The following PRR16 variants were observed in gnomAD, a reference collection of about 807,000 sequenced individuals.
The protein encoded by PRR16 is protein Largen.
A neutral mutation model predicts 18.2 loss-of-function variants in PRR16; 6 were observed. The ratio of observed to expected loss-of-function variants is 0.33; its 90% confidence interval spans 0.18 to 0.65. The LOEUF (loss-of-function observed/expected upper bound fraction) is 0.65. Ranked by LOEUF, PRR16 falls within the 30% of genes least tolerant of loss-of-function variation. The probability of loss-of-function intolerance (pLI) is 0.74; values close to 1 mark genes in which losing one functional copy is unlikely to be tolerated. For synonymous variants in PRR16, 151 were observed against 147.8 expected (o/e 1.02, Z -0.16); for missense variants, 412 against 376.6 (o/e 1.09, Z -0.78).
chr5:120,526,750 T>G (rs558519088), intron 1 of PRR16, among the ~76,000 whole-genome samples: 1 of 152,238 alleles, frequency 6.6e-6, no homozygotes, highest in South Asian at 2.1e-4. Flanking sequence ...TATACAGTAA[T>G]TATTTGCTGT....
At chr5:120,651,158 C>T (rs1341551934) in intron 1 of PRR16, among the ~76,000 whole-genome samples, 1 of 152,068 alleles carries the variant, frequency 6.6e-6, no homozygotes. Context: ...ATCCTTCGCC[C>T]ACTTTTTGAT....
chr5:120,590,174 TA>T (rs200996877), intron 1 of PRR16, among the ~76,000 whole-genome samples: 9,026 of 152,196 alleles, frequency 0.059, 369 homozygotes, highest in South Asian at 0.084. Flanking sequence ...TGTATTACCT[TA>T]ACAAGTCCTG....
chr5:120,504,781 T>C lies in PRR16; in HGVS notation c.159+40136T>C, dbSNP rs148654078. On this transcript the variant is annotated intron_variant, in intron 1 of 1. Transcript: ENST00000407149. ...AAAGGTATGACAAAAACTGAGGAAT[T>C]TTCATATTGCTTCTTAGGTATATTG... is the stretch of plus-strand genomic sequence containing the variant. Among the ~76,000 whole-genome samples the C allele has an allele frequency of 3.2e-3, 485 of 152,242 alleles. 4 individuals carry two copies. The highest frequency in any genetic ancestry group is 0.011 in the African/African-American group (463 of 41,540).
the PRR16 span, among the ~76,000 whole-genome samples, chr5:120,765,763 C>G: frequency 1.2e-4 from 18 of 151,718 alleles, no homozygotes; most frequent in African/African-American, 4.1e-4. Context: ...CCCCCATATG[C>G]CTTTTAGTCA....
the PRR16 span, among the ~76,000 whole-genome samples, chr5:120,792,892 C>T: frequency 6.6e-6 from 1 of 152,194 alleles, no homozygotes; most frequent in Admixed American, 6.5e-5. Flanking sequence ...TGGCTCACGC[C>T]TGTTAATCCA....
the PRR16 span, among the ~76,000 whole-genome samples, chr5:120,783,643 G>C: frequency 6.6e-6 from 1 of 152,200 alleles, no homozygotes; most frequent in African/African-American, 2.4e-5. Flanking sequence ...TTTGATAGAA[G>C]TGTACAATGT....
chr5:120,570,306 C>T (rs908191467), intron 1 of PRR16, among the ~76,000 whole-genome samples: 4 of 151,970 alleles, frequency 2.6e-5, no homozygotes, highest in Non-Finnish European at 5.9e-5. Flanking sequence ...TGGCACCATC[C>T]TAAATGGCTG....
intron 1 of PRR16, among the ~76,000 whole-genome samples, chr5:120,547,328 C>T (rs192614023): frequency 1.3e-3 from 198 of 152,108 alleles, no homozygotes; most frequent in African/African-American, 4.4e-3. Context: ...GTCTTAAATC[C>T]TTTATTCCTG....
At chr5:120,518,163 C>G (rs6861448) in intron 1 of PRR16, among the ~76,000 whole-genome samples, 1 of 152,050 alleles carries the variant, frequency 6.6e-6, no homozygotes, top group Admixed American at 6.6e-5. Flanking sequence ...TAATACATAT[C>G]GCTCATAGGC....
intron 1 of PRR16, among the ~76,000 whole-genome samples, chr5:120,570,328 G>A (rs562282061): frequency 2.2e-4 from 33 of 152,154 alleles, no homozygotes; most frequent in Admixed American, 4.6e-4. Flanking sequence ...AAATGAGAAT[G>A]AAGGGAATTT....
chr5:120,675,895 T>C (rs576738844), intron 1 of PRR16, among the ~76,000 whole-genome samples: 6 of 152,304 alleles, frequency 3.9e-5, no homozygotes, highest in African/African-American at 1.4e-4. Context: ...TAATGATTGT[T>C]GTCTATTTTA....
chr5:120,526,562 G>GCTC (rs1751355427), intron 1 of PRR16, among the ~76,000 whole-genome samples: 1 of 151,988 alleles, frequency 6.6e-6, no homozygotes, highest in Non-Finnish European at 1.5e-5. Flanking sequence ...CCAACCCTGG[G>GCTC]TACGGAACAT....
At chr5:120,604,529 G>A (rs1754090206) in intron 1 of PRR16, among the ~76,000 whole-genome samples, 1 of 152,066 alleles carries the variant, frequency 6.6e-6, no homozygotes. Context: ...TTTGAGTGGA[G>A]TTTTTAGTCC....
At chr5:120,622,645 A>G (rs958437577) in intron 1 of PRR16, among the ~76,000 whole-genome samples, 17 of 151,666 alleles carry the variant, frequency 1.1e-4, no homozygotes, top group Admixed American at 3.3e-4. Context: ...TGCCTTGCTA[A>G]TTTTTGTATT....
chr5:120,502,847 A>C (rs1013878679), intron 1 of PRR16, among the ~76,000 whole-genome samples: 4 of 152,304 alleles, frequency 2.6e-5, no homozygotes, highest in East Asian at 1.9e-4. Flanking sequence ...GTTGCGTCCC[A>C]AAAAATAATA....
chr5:120,750,422 G>T, the PRR16 span, among the ~76,000 whole-genome samples: 2 of 152,114 alleles, frequency 1.3e-5, no homozygotes, highest in South Asian at 4.1e-4. Flanking sequence ...ACTTTGGGAG[G>T]CCGAGGCAGG....
At chr5:120,785,572 G>GTTTTTTTTT in the PRR16 span, among the ~76,000 whole-genome samples, 32 of 119,944 alleles carry the variant, frequency 2.7e-4, 5 homozygotes, top group Non-Finnish European at 3.6e-4. Flanking sequence ...TTTTGTTGTT[G>GTTTTTTTTT]TTGTTTTTTT....
the PRR16 span, among the ~76,000 whole-genome samples, chr5:120,713,577 G>A: frequency 1.3e-5 from 2 of 152,226 alleles, no homozygotes; most frequent in African/African-American, 4.8e-5. Flanking sequence ...TAAAACTTGT[G>A]TGATTAAACC....
At chr5:120,503,436 T>C (rs998901452) in intron 1 of PRR16, among the ~76,000 whole-genome samples, 2 of 152,140 alleles carry the variant, frequency 1.3e-5, no homozygotes, top group African/African-American at 2.4e-5. Flanking sequence ...GAAATAATAA[T>C]AGACTCAGAG....
Sources: gnomAD v4.1 joint callset for allele counts (sites outside exome capture counted in the v4.1 genomes callset) on GRCh38, gnomAD v4.1.1 for gene constraint, MANE v1.5 for transcripts, NCBI Gene and HGNC (gene_info 2026-07-23, HGNC 2026-07-21) for gene names.